IL1RAPL2: variants seen among roughly 807,000 people sequenced by gnomAD.
The protein encoded by IL1RAPL2 is interleukin 1 receptor accessory protein like 2.
A neutral mutation model predicts 44.1 loss-of-function variants in IL1RAPL2; 3 were observed. That is an observed-to-expected ratio of 0.07 (90% confidence interval 0.03 to 0.18). The LOEUF is 0.18. Ranked by LOEUF, IL1RAPL2 falls within the 10% of genes least tolerant of loss-of-function variation. IL1RAPL2 has a pLI of 1.00. For synonymous variants in IL1RAPL2, 181 were observed against 178.8 expected (o/e 1.01, Z -0.10); for missense variants, 391 against 496.4 (o/e 0.79, Z 2.02).
At chrX:105,152,324 G>A (rs1396644997) in intron 2 of IL1RAPL2, among the ~76,000 whole-genome samples, 1 of 111,664 alleles carries the variant, frequency 9.0e-6, no homozygotes, top group Non-Finnish European at 1.9e-5. Flanking sequence ...TATTTGTAGT[G>A]CACTGAATGT....
intron 2 of IL1RAPL2, among the ~76,000 whole-genome samples, chrX:105,124,453 A>G (rs1467833275): frequency 1.8e-5 from 2 of 110,750 alleles, no homozygotes. Flanking sequence ...TATTTAATTG[A>G]AGTAAACCCC....
intron 2 of IL1RAPL2, among the ~76,000 whole-genome samples, chrX:104,697,598 T>C (rs777277129): frequency 1.8e-5 from 2 of 111,521 alleles, no homozygotes; most frequent in African/African-American, 6.5e-5. Flanking sequence ...TGTCACTATG[T>C]TAGGGCTGGG....
rs768289089 is a variant in IL1RAPL2, at chrX:105,733,944, C to G, written c.903-6602C>G. Among the ~76,000 whole-genome samples, 5 of 111,302 alleles carry G rather than the reference C, an allele frequency of 4.5e-5. No homozygotes were observed. In the South Asian group the frequency reaches 1.9e-3, roughly 42 times the overall value. On this transcript the variant is annotated intron_variant, in intron 7 of 10. Coordinates refer to ENST00000372582, the MANE Select transcript of IL1RAPL2 (RefSeq NM_017416.2). ...GATATGATGTATTGGGTAAAAGTAACTGAAGTAAATAGGCTTTTAATGTGA... is the reference window on the plus strand; with the variant it reads ...GATATGATGTATTGGGTAAAAGTAAGTGAAGTAAATAGGCTTTTAATGTGA...
chrX:105,729,359 T>C (rs2038380456), intron 7 of IL1RAPL2, among the ~76,000 whole-genome samples: 1 of 111,657 alleles, frequency 9.0e-6, no homozygotes, highest in South Asian at 3.7e-4. Context: ...CTTGCCAAAA[T>C]TTGATGTTGT....
At chrX:105,688,817 A>C (rs1024710275) in intron 6 of IL1RAPL2, among the ~76,000 whole-genome samples, 9 of 112,067 alleles carry the variant, frequency 8.0e-5, no homozygotes, top group Non-Finnish European at 1.7e-4. Context: ...ACCTGACTTC[A>C]AACTGTACTA....
At chrX:105,694,672 G>A (rs766109711) in intron 6 of IL1RAPL2, among the ~76,000 whole-genome samples, 12 of 110,721 alleles carry the variant, frequency 1.1e-4, no homozygotes, top group Admixed American at 7.7e-4. Context: ...GACATATGCC[G>A]CCACTTACTC....
At chrX:104,603,558 A>G (rs1481711358) in intron 1 of IL1RAPL2, among the ~76,000 whole-genome samples, 4 of 111,936 alleles carry the variant, frequency 3.6e-5, no homozygotes, top group African/African-American at 1.3e-4. Flanking sequence ...GAACCTTGAA[A>G]AAAGGTTAGA....
In IL1RAPL2 at chrX:104,927,298, A is replaced by G. The variant is rs940263246; in HGVS notation, c.83-268177A>G. Among the ~76,000 whole-genome samples, 5 of 110,489 alleles carry G rather than the reference A, an allele frequency of 4.5e-5. No individual in the cohort carries two copies. The East Asian group carries it at 1.4e-3, about 31-fold the overall frequency. On this transcript the variant is annotated intron_variant, in intron 2 of 10. Coordinates refer to ENST00000372582, the MANE Select transcript of IL1RAPL2 (RefSeq NM_017416.2). ...TGAAGTCTTTCCTGATAACACAACA[A>G]CCTCCAGTGGTATCTTTTTTTCAAT...
At chrX:105,613,888 G>A (rs2037354554) in intron 6 of IL1RAPL2, among the ~76,000 whole-genome samples, 1 of 111,198 alleles carries the variant, frequency 9.0e-6, no homozygotes, top group Non-Finnish European at 1.9e-5. Context: ...ACACCTCTGG[G>A]CATGCATGGG....
intron 2 of IL1RAPL2, among the ~76,000 whole-genome samples, chrX:104,870,329 A>G (rs1187711861): frequency 1.8e-5 from 2 of 112,387 alleles, no homozygotes; most frequent in Non-Finnish European, 3.8e-5. Flanking sequence ...TTTGAAGAAA[A>G]GTGGTAGTAG....
At chrX:104,998,969 A>G (rs763907433) in intron 2 of IL1RAPL2, among the ~76,000 whole-genome samples, 1 of 110,693 alleles carries the variant, frequency 9.0e-6, no homozygotes, top group Non-Finnish European at 1.9e-5. Context: ...CCTGGCTAAC[A>G]TTTGTGTTTT....
intron 5 of IL1RAPL2, among the ~76,000 whole-genome samples, chrX:105,356,162 ATGTGTGTG>A (rs3037850): frequency 3.9e-5 from 4 of 103,293 alleles, no homozygotes; most frequent in African/African-American, 7.1e-5. Context: ...GTGTGTGTGT[ATGTGTGTG>A]TGTGTGTGTG....
intron 1 of IL1RAPL2, among the ~76,000 whole-genome samples, chrX:104,649,835 C>G (rs1023545681): frequency 3.6e-4 from 40 of 111,557 alleles, no homozygotes; most frequent in African/African-American, 1.2e-3. Context: ...TTAGCATGAA[C>G]CAGAAACCTG....
intron 2 of IL1RAPL2, among the ~76,000 whole-genome samples, chrX:105,171,025 G>A (rs969567442): frequency 1.8e-5 from 2 of 111,271 alleles, no homozygotes; most frequent in Non-Finnish European, 3.8e-5. Context: ...TTCCTTCATG[G>A]AGTTGTTGAG....
chrX:105,406,333 G>C, intron 5 of IL1RAPL2: 1 of 1,063,473 alleles, frequency 9.4e-7, no homozygotes, highest in Non-Finnish European at 1.3e-6. Flanking sequence ...TGAACTCCTT[G>C]CGTCATGGAC....
chrX:105,307,082 T>C (rs1304839438), intron 5 of IL1RAPL2, among the ~76,000 whole-genome samples: 1 of 108,445 alleles, frequency 9.2e-6, no homozygotes, highest in Non-Finnish European at 1.9e-5. Flanking sequence ...AAAACTACAA[T>C]TTATAAAACC....
chrX:104,907,872 C>G (rs1420419925), intron 2 of IL1RAPL2, among the ~76,000 whole-genome samples: 1 of 109,656 alleles, frequency 9.1e-6, no homozygotes, highest in East Asian at 2.9e-4. Context: ...GACTTTCTGT[C>G]TCGTTGATCT....
chrX:104,886,739 C>A (rs1412309717), intron 2 of IL1RAPL2, among the ~76,000 whole-genome samples: 6 of 112,185 alleles, frequency 5.3e-5, no homozygotes, highest in African/African-American at 1.9e-4. Flanking sequence ...TTCTCTTTGC[C>A]TTTGAGGATC....
At chrX:105,206,733 A>G (rs1340794454) in intron 3 of IL1RAPL2, among the ~76,000 whole-genome samples, 1 of 111,899 alleles carries the variant, frequency 8.9e-6, no homozygotes, top group Non-Finnish European at 1.9e-5. Flanking sequence ...TTTTCAGAGA[A>G]CTAGTCTTCT....
Sources: allele counts gnomAD v4.1 joint callset (sites outside exome capture counted in the v4.1 genomes callset), GRCh38; gene constraint gnomAD v4.1.1; transcripts MANE v1.5; gene names NCBI Gene and HGNC (gene_info 2026-07-23, HGNC 2026-07-21).